The following SLC44A5 variants were observed in gnomAD, a reference collection of about 807,000 sequenced individuals.
SLC44A5 encodes the protein choline transporter-like protein 5.
In SLC44A5, 57 loss-of-function variants were observed where a neutral mutation model predicts 101.8. The ratio of observed to expected loss-of-function variants is 0.56; its 90% CI spans 0.45 to 0.70. The LOEUF (loss-of-function observed/expected upper bound fraction) is 0.70. Ranked by LOEUF, SLC44A5 falls within the 30% of genes least tolerant of loss-of-function variation. The probability of loss-of-function intolerance (pLI) is 0.00; values close to 1 mark genes in which losing one functional copy is unlikely to be tolerated. For missense variants in SLC44A5, 737 were observed against 853.1 expected (o/e 0.86, Z 1.70); for synonymous variants, 281 against 290.9 (o/e 0.97, Z 0.35).
chr1:75,218,359 C>A, intron 17 of SLC44A5, 131 bp downstream of exon 17: 1 of 1,227,300 alleles, frequency 8.1e-7, no homozygotes, highest in Non-Finnish European at 1.1e-6. Flanking sequence ...AACCAATGGG[C>A]ATCCATGAAT....
At chr1:75,391,458 C>T (rs1253735911) in intron 3 of SLC44A5, among the ~76,000 whole-genome samples, 1 of 152,116 alleles carries the variant, frequency 6.6e-6, no homozygotes, top group Non-Finnish European at 1.5e-5. Flanking sequence ...ATCACATTAC[C>T]TAATTTCAAA....
At chr1:75,343,965 G>A (rs886561585) in intron 3 of SLC44A5, among the ~76,000 whole-genome samples, 1 of 152,038 alleles carries the variant, frequency 6.6e-6, no homozygotes, top group African/African-American at 2.4e-5. Flanking sequence ...TTTACGATAT[G>A]GCTCATCTCA....
At chr1:75,409,823 A>G (rs189704472) in intron 2 of SLC44A5, among the ~76,000 whole-genome samples, 1 of 152,222 alleles carries the variant, frequency 6.6e-6, no homozygotes, top group East Asian at 1.9e-4. Context: ...CCTCTTTAAG[A>G]ATCATGCCCA....
At chr1:75,231,880 T>C (rs1263880481) in intron 12 of SLC44A5, among the ~76,000 whole-genome samples, 2 of 152,208 alleles carry the variant, frequency 1.3e-5, no homozygotes. Context: ...GTTCCATTGC[T>C]GTTCATAAAC....
intron 2 of SLC44A5, among the ~76,000 whole-genome samples, chr1:75,489,930 C>T (rs2101806828): frequency 6.6e-6 from 1 of 151,914 alleles, no homozygotes; most frequent in Non-Finnish European, 1.5e-5. Flanking sequence ...TAACAAAAAA[C>T]AAGAGGTGAT....
At chr1:75,426,916 T>A (rs1294538070) in intron 2 of SLC44A5, among the ~76,000 whole-genome samples, 1 of 152,236 alleles carries the variant, frequency 6.6e-6, no homozygotes, top group Non-Finnish European at 1.5e-5. Flanking sequence ...CGTCCATCTT[T>A]CAGCGCTGGT....
intron 4 of SLC44A5, among the ~76,000 whole-genome samples, chr1:75,326,083 GCTCT>G (rs1340156325): frequency 7.5e-6 from 1 of 132,630 alleles, no homozygotes; most frequent in Non-Finnish European, 1.6e-5. Context: ...ATAGTGATGT[GCTCT>G]CTCTCTCCGT....
chr1:75,681,465 A>C, the SLC44A5 span, among the ~76,000 whole-genome samples: 1 of 151,498 alleles, frequency 6.6e-6, no homozygotes, highest in African/African-American at 2.4e-5. Context: ...ATGCAAATCA[A>C]TAAATGTAAT....
chr1:75,362,856 G>A (rs1290077259), intron 3 of SLC44A5, among the ~76,000 whole-genome samples: 1 of 151,946 alleles, frequency 6.6e-6, no homozygotes, highest in Non-Finnish European at 1.5e-5. Flanking sequence ...GCGAGTATAA[G>A]TACAAGTCCA....
the SLC44A5 span, chr1:75,723,671 CA>C: frequency 6.6e-6 from 1 of 152,262 alleles, no homozygotes; most frequent in Non-Finnish European, 1.5e-5. Flanking sequence ...TACTTACCAC[CA>C]CCACTTTGAA....
the SLC44A5 span, among the ~76,000 whole-genome samples, chr1:75,715,356 G>A: frequency 6.6e-6 from 1 of 152,108 alleles, no homozygotes; most frequent in Non-Finnish European, 1.5e-5. Flanking sequence ...TAAGCAAAAA[G>A]AACAAAGCTA....
At chr1:75,672,183 G>C in the SLC44A5 span, among the ~76,000 whole-genome samples, 5 of 152,136 alleles carry the variant, frequency 3.3e-5, no homozygotes, top group Non-Finnish European at 7.3e-5. Flanking sequence ...CAGAAAAGAG[G>C]CGCTGAAAAA....
chr1:75,720,860 T>TG, the SLC44A5 span, among the ~76,000 whole-genome samples: 62 of 60,096 alleles, frequency 1.0e-3, no homozygotes, highest in African/African-American at 3.5e-3. Context: ...GGGGTGGAGC[T>TG]GGGGGGGTAG....
intron 1 of SLC44A5, among the ~76,000 whole-genome samples, chr1:75,548,307 G>C (rs181825197): frequency 6.6e-6 from 1 of 152,076 alleles, no homozygotes; most frequent in East Asian, 1.9e-4. Context: ...CTCAGAAAAT[G>C]GATCGATCTA....
chr1:75,677,863 A>T, the SLC44A5 span: 1 of 351,238 alleles, frequency 2.8e-6, no homozygotes, highest in Non-Finnish European at 5.4e-6. Context: ...GGTTCATCTC[A>T]CTAGGGAGTG....
the SLC44A5 span, among the ~76,000 whole-genome samples, chr1:75,665,741 G>A: frequency 1.3e-5 from 2 of 151,976 alleles, no homozygotes; most frequent in Non-Finnish European, 2.9e-5. Context: ...CTAATATCTG[G>A]AACCTATAAA....
chr1:75,719,329 C>T, the SLC44A5 span, among the ~76,000 whole-genome samples: 1 of 152,188 alleles, frequency 6.6e-6, no homozygotes, highest in African/African-American at 2.4e-5. Context: ...GCAAAGCCAA[C>T]TTAAAAGGAG....
At chr1:75,238,217 C>A (rs1157795988) in intron 10 of SLC44A5, among the ~76,000 whole-genome samples, 4 of 149,388 alleles carry the variant, frequency 2.7e-5, no homozygotes, top group African/African-American at 9.8e-5. Context: ...ATTGCTTGAA[C>A]CGGGAAGGTG....
chr1:75,248,328 AG>A (rs1649290692), intron 7 of SLC44A5, among the ~76,000 whole-genome samples: 3 of 152,140 alleles, frequency 2.0e-5, no homozygotes, highest in South Asian at 4.1e-4. Flanking sequence ...TTAGTAGAGA[AG>A]GAAAAAATGA....
Sources: gnomAD v4.1 joint callset for allele counts (sites outside exome capture counted in the v4.1 genomes callset) on GRCh38, gnomAD v4.1.1 for gene constraint, MANE v1.5 for transcripts, NCBI Gene and HGNC (gene_info 2026-07-23, HGNC 2026-07-21) for gene names.